ZNF704: variants seen among roughly 807,000 people sequenced by gnomAD.
ZNF704 encodes zinc finger protein 704.
ZNF704 carries 10 observed loss-of-function variants against 44.7 expected under a neutral mutation model. The observed-to-expected ratio is 0.22, with a 90% confidence interval of 0.14 to 0.38. The LOEUF (loss-of-function observed/expected upper bound fraction) is 0.38, where lower values mean the gene tolerates loss of function less well. Ranked by LOEUF, ZNF704 falls within the 10% of genes least tolerant of loss-of-function variation. ZNF704 has a pLI of 1.00. For synonymous variants in ZNF704, 211 were observed against 207.6 expected, an observed-to-expected ratio of 1.02 and a Z score of -0.14; for missense variants, 390 against 545.5, an observed-to-expected ratio of 0.71 and a Z score of 2.84.
intron 2 of ZNF704, among the ~76,000 whole-genome samples, chr8:80,809,245 C>T (rs1272071119): frequency 6.6e-6 from 1 of 152,148 alleles, no homozygotes; most frequent in Non-Finnish European, 1.5e-5. Flanking sequence ...AAGCTGAGAT[C>T]GTGCCACTGC....
intron 2 of ZNF704, among the ~76,000 whole-genome samples, chr8:80,763,077 T>C (rs1211582302): frequency 6.6e-6 from 1 of 152,236 alleles, no homozygotes; most frequent in East Asian, 1.9e-4. Context: ...GGTACAACCT[T>C]CCTCCTGGTT....
chr8:80,766,772 G>GCA (rs1317446856), intron 2 of ZNF704, among the ~76,000 whole-genome samples: 1 of 152,064 alleles, frequency 6.6e-6, no homozygotes, highest in African/African-American at 2.4e-5. Context: ...GAGTGCAGTG[G>GCA]CACAATCTCG....
intron 7 of ZNF704, among the ~76,000 whole-genome samples, chr8:80,651,872 C>T (rs1817925449): frequency 6.6e-6 from 1 of 152,162 alleles, no homozygotes; most frequent in South Asian, 2.1e-4. Flanking sequence ...ACATTCTTCT[C>T]AGCACCACAC....
chr8:80,855,602 A>C (rs1466301455), intron 1 of ZNF704, among the ~76,000 whole-genome samples: 3 of 152,162 alleles, frequency 2.0e-5, no homozygotes. Flanking sequence ...GGAATGATAC[A>C]CAACAGTAAC....
intron 2 of ZNF704, among the ~76,000 whole-genome samples, chr8:80,712,130 C>T (rs1818996831): frequency 6.6e-6 from 1 of 152,134 alleles, no homozygotes; most frequent in African/African-American, 2.4e-5. Flanking sequence ...TGGATTAATG[C>T]TGTTATTGTG....
chr8:80,762,245 G>C (rs1200279385), intron 2 of ZNF704, among the ~76,000 whole-genome samples: 2 of 152,206 alleles, frequency 1.3e-5, no homozygotes, highest in African/African-American at 4.8e-5. Context: ...AGTCATAAGT[G>C]ACTGAATAGT....
At chr8:80,879,961 T>C in the ZNF704 span, among the ~76,000 whole-genome samples, 20 of 152,330 alleles carry the variant, frequency 1.3e-4, no homozygotes, top group Non-Finnish European at 2.5e-4. Context: ...TCAGCTTGGG[T>C]AATCCAACCA....
intron 2 of ZNF704, among the ~76,000 whole-genome samples, chr8:80,725,078 A>G (rs1246021003): frequency 6.6e-6 from 1 of 152,228 alleles, no homozygotes; most frequent in Non-Finnish European, 1.5e-5. Context: ...CTTGAAGAAT[A>G]AGACATAGTG....
rs577803653 is a variant in ZNF704, at chr8:80,827,960, A to AT, written c.-21-6346dup. On this transcript the variant is annotated intron_variant, in intron 1 of 8. Transcript: ENST00000327835. Reference sequence around the variant, plus strand: ...AGACTTCAATGTTAGACCTAAAACCATAAAAACCCTAGAAGAAAACCTAGG... The same window carrying AT: ...AGACTTCAATGTTAGACCTAAAACCATTAAAAACCCTAGAAGAAAACCTAGG... 2.6e-5 allele frequency among the ~76,000 whole-genome samples: 4 copies of AT among 152,254 alleles called. No homozygotes were observed. The South Asian group carries it at 8.3e-4, about 31-fold the overall frequency.
intron 1 of ZNF704, among the ~76,000 whole-genome samples, chr8:80,834,086 C>G (rs1407670989): frequency 6.6e-6 from 1 of 151,964 alleles, no homozygotes; most frequent in Non-Finnish European, 1.5e-5. Context: ...CCCAGCTACT[C>G]GGGAGGCTGG....
intron 2 of ZNF704, among the ~76,000 whole-genome samples, chr8:80,723,495 AG>A (rs1454811288): frequency 2.0e-5 from 3 of 152,230 alleles, no homozygotes; most frequent in Non-Finnish European, 4.4e-5. Flanking sequence ...CTGCGGAGAA[AG>A]TGAAATGGAA....
intron 6 of ZNF704, among the ~76,000 whole-genome samples, chr8:80,663,352 T>G (rs1004296951): frequency 7.1e-6 from 1 of 140,012 alleles, no homozygotes; most frequent in Non-Finnish European, 1.5e-5. Context: ...GAGAGAAAGA[T>G]AGAGACCCTG....
chr8:80,822,327 T>C (rs1808289307), intron 1 of ZNF704, among the ~76,000 whole-genome samples: 1 of 148,132 alleles, frequency 6.8e-6, no homozygotes, highest in African/African-American at 2.5e-5. Context: ...TGTGTCCAAG[T>C]GTTCTCATTG....
chr8:80,834,481 G>A (rs1808524659), intron 1 of ZNF704, among the ~76,000 whole-genome samples: 1 of 151,856 alleles, frequency 6.6e-6, no homozygotes, highest in Non-Finnish European at 1.5e-5. Flanking sequence ...AATCAGTGTT[G>A]TTAATGCTGG....
At chr8:80,649,671 C>T (rs988348414) in intron 7 of ZNF704, among the ~76,000 whole-genome samples, 27 of 152,194 alleles carry the variant, frequency 1.8e-4, no homozygotes, top group African/African-American at 5.5e-4. Flanking sequence ...CCAGGAAGCT[C>T]GAACAGGGTG....
chr8:80,836,289 C>T (rs1379740789), intron 1 of ZNF704, among the ~76,000 whole-genome samples: 1 of 152,206 alleles, frequency 6.6e-6, no homozygotes, highest in Non-Finnish European at 1.5e-5. Flanking sequence ...ACCCCTGCAT[C>T]CAGGCCTTTT....
At chr8:80,696,135 T>TA (rs1818720990) in intron 2 of ZNF704, among the ~76,000 whole-genome samples, 1 of 152,256 alleles carries the variant, frequency 6.6e-6, no homozygotes, top group African/African-American at 2.4e-5. Context: ...TAGAATTTGT[T>TA]ACACTTTGAG....
chr8:80,833,138 G>A (rs1229548065), intron 1 of ZNF704, among the ~76,000 whole-genome samples: 1 of 152,206 alleles, frequency 6.6e-6, no homozygotes, highest in East Asian at 1.9e-4. Flanking sequence ...ACGAGGTCAA[G>A]AGGTCAAGGC....
At chr8:80,869,263 G>C (rs1809208403) in intron 1 of ZNF704, among the ~76,000 whole-genome samples, 1 of 152,186 alleles carries the variant, frequency 6.6e-6, no homozygotes, top group South Asian at 2.1e-4. Flanking sequence ...CACATACCCA[G>C]ACAGACTACT....
Sources: allele counts gnomAD v4.1 joint callset (sites outside exome capture counted in the v4.1 genomes callset), GRCh38; gene constraint gnomAD v4.1.1; transcripts MANE v1.5; gene names NCBI Gene and HGNC (gene_info 2026-07-23, HGNC 2026-07-21).